Variants in ARID2 observed in about 807,000 individuals in gnomAD.
The protein encoded by ARID2 is AT-rich interactive domain-containing protein 2.
A neutral mutation model predicts 184.6 loss-of-function variants in ARID2; 32 were observed. The observed-to-expected ratio is 0.17, with a 90% confidence interval of 0.13 to 0.23. ARID2 has a LOEUF of 0.23. Ranked by LOEUF, ARID2 falls within the 10% of genes least tolerant of loss-of-function variation. The pLI, the probability that ARID2 is intolerant of heterozygous loss-of-function variation, is 1.00. For missense variants in ARID2, 1,696 were observed against 2,197.6 expected (o/e 0.77, Z 4.56); for synonymous variants, 836 against 772.6 (o/e 1.08, Z -1.36).
chr12:45,850,377 C>A lies in ARID2; in HGVS notation c.2254C>A (p.Gln752Lys), dbSNP rs376582344. The change falls in exon 15 of 21, where the codon CAA (glutamine) becomes AAA (lysine). Residue 752 changes from glutamine (Q) to lysine (K), a missense_variant. Physicochemically the swap from Gln to Lys is moderately conservative, Grantham distance 53. Transcript: ENST00000334344. ...TGTTCAGAATCATAGTACAGGGCCA[C>A]AACCTGTTACAGTTGTGAATTCTCA... Reference protein sequence around the residue: ...SVVQNHSTGPQPVTVVNSQTL... With the variant: ...SVVQNHSTGPKPVTVVNSQTL... 29 of 1,614,094 alleles carry A rather than the reference C, an allele frequency of 1.8e-5. No homozygotes were observed. Among genetic ancestry groups the A allele is most frequent in the South Asian group, 1.2e-4 (11 of 91,086 alleles).
chr12:45,766,733 C>A (rs1381559299), intron 3 of ARID2, among the ~76,000 whole-genome samples: 1 of 152,082 alleles, frequency 6.6e-6, no homozygotes, highest in African/African-American at 2.4e-5. Context: ...CCAGGATGGT[C>A]TCGATCTCCT....
rs2138173992 is a variant in ARID2 at position 45,851,827 on chromosome 12, C to A, written c.3704C>A (p.Pro1235His). The A allele has an allele frequency of 1.2e-6, 2 of 1,614,142 alleles. No individual in the cohort carries two copies. The highest frequency in any genetic ancestry group is 1.7e-6 in the Non-Finnish European group (2 of 1,180,012). Residue 1235 changes from proline (P) to histidine (H), a missense_variant, in exon 15 of 21, where the codon CCC (proline) becomes CAC (histidine). This residue lies in a region of ARID2 where 428 missense variants were observed against 409.1 expected (regional missense o/e 1.05). Coordinates refer to ENST00000334344, the MANE Select transcript of ARID2 (RefSeq NM_152641.4). ...CAATCATCATGTACTACTGCTACTCCCCCATTCAAAGGTGATAAAATAATT... is the reference window on the plus strand; with the variant it reads ...CAATCATCATGTACTACTGCTACTCACCCATTCAAAGGTGATAAAATAATT... ...AGQSSCTTATPPFKGDKIICQ... is the reference protein window; with the variant it reads ...AGQSSCTTATHPFKGDKIICQ...
intron 3 of ARID2, among the ~76,000 whole-genome samples, chr12:45,782,164 G>A (rs149796663): frequency 6.6e-6 from 1 of 152,124 alleles, no homozygotes; most frequent in African/African-American, 2.4e-5. Context: ...ATTGGATTTG[G>A]CACATGCTAC....
chr12:45,877,384 A>G (rs1469633851), intron 16 of ARID2, among the ~76,000 whole-genome samples: 1 of 151,736 alleles, frequency 6.6e-6, no homozygotes, highest in Admixed American at 6.6e-5. Context: ...TCTAGGTTGC[A>G]TGCTCCTTAT....
intron 11 of ARID2, chr12:45,840,656 T>C (rs888916555): frequency 2.0e-5 from 3 of 152,204 alleles, no homozygotes; most frequent in Non-Finnish European, 2.9e-5. Flanking sequence ...TCTTCCTAAA[T>C]ACCTGGCCTT....
intron 3 of ARID2, among the ~76,000 whole-genome samples, chr12:45,743,460 C>T (rs1941300893): frequency 6.6e-6 from 1 of 152,152 alleles, no homozygotes; most frequent in South Asian, 2.1e-4. Flanking sequence ...CAGCATTGAA[C>T]TCTTACTTTC....
At position 45,816,087 on chromosome 12, in the gene ARID2, C is replaced by T. The variant is rs914269574; in HGVS notation, c.419-1583C>T. On this transcript the variant is annotated intron_variant, in intron 4 of 20. Transcript: ENST00000334344. ...ATAGTTGCCAAGGTCTAAACTGCCC[C>T]GTTAGGATTCAGTTATTTCTAAAAA... Among the ~76,000 whole-genome samples, 5 of 152,038 alleles carry T rather than the reference C, an allele frequency of 3.3e-5. No homozygotes were observed. The East Asian group carries it at 5.8e-4, about 18-fold the overall frequency.
chr12:45,904,355 G>C lies in ARID2; in HGVS notation c.5364-579G>C, dbSNP rs1018666190. On this transcript the variant is annotated intron_variant, in intron 20 of 20. Transcript: ENST00000334344. Reference sequence around the variant, plus strand: ...TAAATTTTCTAGAAACATGAATGAAGATTGAAAAAGAATTTTGCTGTGCAG... The same window carrying C: ...TAAATTTTCTAGAAACATGAATGAACATTGAAAAAGAATTTTGCTGTGCAG... 1.9e-4 allele frequency: 139 copies of C among 716,108 alleles called. No individual in the cohort carries two copies. The East Asian group carries it at 3.7e-3, about 19-fold the overall frequency. The allele number at this position is 716,108 out of a possible 1,614,324, so 44.4% of individuals were successfully genotyped here.
intron 6 of ARID2, among the ~76,000 whole-genome samples, chr12:45,829,824 T>C (rs1943077648): frequency 6.8e-6 from 1 of 146,932 alleles, no homozygotes; most frequent in Admixed American, 6.8e-5. Flanking sequence ...TTTTAATCAA[T>C]TTCTGACCTT....
Position 45,837,428 on chromosome 12 carries a change from A to G in ARID2, c.1120+11A>G, listed in dbSNP as rs771304476. ...TTTTAAAGATGAGAGGTGAGTTTTC[A>G]CTGAAGTATTTACTTTCTAAAGTAA... is the stretch of plus-strand genomic sequence containing the variant. On this transcript the variant is annotated intron_variant, in intron 9 of 20. Transcript: ENST00000334344. 2 of 1,610,554 alleles carry G rather than the reference A, an allele frequency of 1.2e-6. No individual in the cohort carries two copies. Among genetic ancestry groups the G allele is most frequent in the South Asian group, 1.1e-5 (1 of 90,694 alleles).
intron 12 of ARID2, among the ~76,000 whole-genome samples, chr12:45,847,436 A>T (rs527370057): frequency 6.6e-6 from 1 of 152,210 alleles, no homozygotes; most frequent in South Asian, 2.1e-4. Flanking sequence ...GATAGAACAG[A>T]AATAAGCAGC....
intron 16 of ARID2, among the ~76,000 whole-genome samples, chr12:45,890,699 AT>A (rs1164501963): frequency 2.0e-5 from 3 of 152,178 alleles, no homozygotes. Context: ...ATAATTCAGT[AT>A]TTAATTACTT....
rs1941195068 is a variant in ARID2 at position 45,739,152 on chromosome 12, C to T, written c.284+7838C>T. ...CCCAGCTAATTATTTTGTTTTTTTG[C>T]TTTTTTAGTAGAAATGGGGTTTCAC... On this transcript the variant is annotated intron_variant, in intron 3 of 20. Coordinates refer to ENST00000334344, the MANE Select transcript of ARID2 (RefSeq NM_152641.4). Among the ~76,000 whole-genome samples the T allele has an allele frequency of 2.0e-5, 3 of 151,354 alleles. No individual in the cohort carries two copies. In the South Asian group the frequency reaches 6.3e-4, roughly 32 times the overall value.
In ARID2 at chr12:45,906,789, T is replaced by A. The variant is rs545025551; in HGVS notation, c.*1711T>A. 2 of 232,004 alleles carry A rather than the reference T, an allele frequency of 8.6e-6. No individual in the cohort carries two copies. The highest frequency in any genetic ancestry group is 4.4e-5 in the African/African-American group (2 of 45,298). The allele number at this position is 232,004 out of a possible 1,614,324, so 14.4% of individuals were successfully genotyped here. A position where few individuals can be genotyped will look rare whatever the true frequency, so the allele number is the denominator to read the frequency against. On this transcript the variant is annotated 3_prime_UTR_variant, in exon 21 of 21. Transcript: ENST00000334344. ...AGCAAATGTAGAGAACAGCAAATGA[T>A]TGATGCAGTTAAAGCTCAATATGCC... is the stretch of plus-strand genomic sequence containing the variant.
At chr12:45,756,224 T>G (rs1224748516) in intron 3 of ARID2, among the ~76,000 whole-genome samples, 3 of 152,170 alleles carry the variant, frequency 2.0e-5, no homozygotes, top group Non-Finnish European at 4.4e-5. Flanking sequence ...ATTTTCTAAC[T>G]TTGGATATTC....
At chr12:45,786,324 G>C (rs777444785) in intron 3 of ARID2, among the ~76,000 whole-genome samples, 18 of 152,162 alleles carry the variant, frequency 1.2e-4, no homozygotes, top group Non-Finnish European at 2.5e-4. Context: ...ATCCTTATAA[G>C]TATGGTGACT....
intron 3 of ARID2, among the ~76,000 whole-genome samples, chr12:45,763,897 C>T (rs1185992940): frequency 6.6e-6 from 1 of 152,048 alleles, no homozygotes; most frequent in African/African-American, 2.4e-5. Flanking sequence ...GATGATTATA[C>T]AGAGCCATTT....
At chr12:45,772,558 T>A (rs893378210) in intron 3 of ARID2, among the ~76,000 whole-genome samples, 14 of 152,314 alleles carry the variant, frequency 9.2e-5, no homozygotes, top group Admixed American at 7.8e-4. Context: ...GACAAAAGAT[T>A]TATTATGCAA....
intron 18 of ARID2, among the ~76,000 whole-genome samples, chr12:45,892,708 T>C (rs924536802): frequency 8.5e-5 from 13 of 152,100 alleles, no homozygotes; most frequent in African/African-American, 3.1e-4. Flanking sequence ...CGAGTCAGCA[T>C]CTCCATTGCT....
Sources: allele counts gnomAD v4.1 joint callset (sites outside exome capture counted in the v4.1 genomes callset), GRCh38; gene constraint gnomAD v4.1.1; regional missense constraint gnomAD v4.1.1; transcripts MANE v1.5; gene names NCBI Gene and HGNC (gene_info 2026-07-23, HGNC 2026-07-21).